PAM: variants seen among roughly 807,000 people sequenced by gnomAD.
The protein encoded by PAM is peptidyl-glycine alpha-amidating monooxygenase.
PAM carries 72 observed loss-of-function variants against 122.1 expected under a neutral mutation model. That is an observed-to-expected ratio of 0.59 (90% CI 0.49 to 0.72). The LOEUF (loss-of-function observed/expected upper bound fraction) is 0.72, where lower values mean the gene tolerates loss of function less well. Ranked by LOEUF, PAM falls within the 30% of genes least tolerant of loss-of-function variation. PAM has a pLI of 0.00. For missense variants in PAM, 1,106 were observed against 1,183.7 expected (o/e 0.93, Z 0.96); for synonymous variants, 389 against 404.4 (o/e 0.96, Z 0.46).
chr5:102,825,670 G>A (rs1773385213), intron 1 of PAM, among the ~76,000 whole-genome samples: 1 of 152,060 alleles, frequency 6.6e-6, no homozygotes, highest in Non-Finnish European at 1.5e-5. Flanking sequence ...GTACAACATA[G>A]TGAGATTCTA....
rs759117198 is a variant in PAM at position 102,926,656 on chromosome 5, A to G, written c.514A>G (p.Ser172Gly). 5.7e-6 allele frequency: 9 copies of G among 1,573,330 alleles called. No individual in the cohort carries two copies. The Admixed American group carries it at 6.7e-5, about 12-fold the overall frequency. Reference sequence around the variant, plus strand: ...ACTACAGGTACACTATGGGGATATTAGTGCTTTTAGAGGTAAGTTTTGAAG... The same window carrying G: ...ACTACAGGTACACTATGGGGATATTGGTGCTTTTAGAGGTAAGTTTTGAAG... ...FVLQVHYGDI[S>G]AFRDNNKDCS... The change falls in exon 7 of 26, where the codon AGT (serine) becomes GGT (glycine). Residue 172 changes from serine (S) to glycine (G), a missense_variant. Ser to Gly is a moderately conservative substitution (Grantham distance 56). Transcript: ENST00000438793.
At chr5:102,804,035 CA>C (rs756956169) in intron 1 of PAM, among the ~76,000 whole-genome samples, 2 of 151,658 alleles carry the variant, frequency 1.3e-5, no homozygotes, top group Admixed American at 1.3e-4. Flanking sequence ...GTGAGGGTTG[CA>C]GGGGGGGATG....
chr5:102,877,292 A>G (rs1165904661), intron 3 of PAM, among the ~76,000 whole-genome samples: 1 of 152,238 alleles, frequency 6.6e-6, no homozygotes, highest in Admixed American at 6.5e-5. Context: ...AATGTTAGCA[A>G]GTAGCTAATG....
chr5:102,887,768 A>G (rs143253407), intron 3 of PAM, among the ~76,000 whole-genome samples: 1 of 151,734 alleles, frequency 6.6e-6, no homozygotes, highest in African/African-American at 2.4e-5. Flanking sequence ...ATTTCCTTGC[A>G]CTTACTACAT....
At chr5:102,939,897 TA>T (rs958888649) in intron 7 of PAM, among the ~76,000 whole-genome samples, 2 of 151,966 alleles carry the variant, frequency 1.3e-5, no homozygotes, top group African/African-American at 2.4e-5. Context: ...AGGTTGACCT[TA>T]AAAAATATAT....
intron 1 of PAM, among the ~76,000 whole-genome samples, chr5:102,860,152 G>T (rs1403703796): frequency 6.6e-6 from 1 of 152,142 alleles, no homozygotes. Context: ...GGCAAAGCAG[G>T]GTAGAAATTG....
rs115672826 is a variant in PAM, at chr5:102,909,867, A to G, written c.269-4067A>G. Among the ~76,000 whole-genome samples the G allele has an allele frequency of 8.5e-3, 1,299 of 152,084 alleles. 13 individuals carry two copies. Among genetic ancestry groups the G allele is most frequent in the South Asian group, 0.02 (95 of 4,826 alleles). Reference sequence around the variant, plus strand: ...ATACAAGCAACAATTCTAGAATGCCAAAGTTCTTCAGATCCAAACTTGCAA... The same window carrying G: ...ATACAAGCAACAATTCTAGAATGCCGAAGTTCTTCAGATCCAAACTTGCAA... On this transcript the variant is annotated intron_variant, in intron 4 of 25. Transcript: ENST00000438793.
intron 7 of PAM, among the ~76,000 whole-genome samples, chr5:102,934,157 G>T (rs1355931818): frequency 6.6e-6 from 1 of 152,168 alleles, no homozygotes; most frequent in Non-Finnish European, 1.5e-5. Context: ...AAACATGGGA[G>T]GGAGGTTATT....
chr5:103,019,720 T>C, intron 22 of PAM, 70 bp from the exon 23 acceptor site: 1 of 1,007,602 alleles, frequency 9.9e-7, no homozygotes, highest in Non-Finnish European at 1.6e-6. Flanking sequence ...AAAATTAATA[T>C]CAAAGTTAAA....
At chr5:102,871,788 A>G (rs1057115387) in intron 3 of PAM, among the ~76,000 whole-genome samples, 4 of 148,540 alleles carry the variant, frequency 2.7e-5, no homozygotes, top group East Asian at 1.9e-4. Flanking sequence ...TTCAGTGTCT[A>G]CTTTCCTAAG....
chr5:102,990,427 G>T, intron 16 of PAM, 26 bp downstream of exon 16: 1 of 1,539,270 alleles, frequency 6.5e-7, no homozygotes. Context: ...TCTTCAATAA[G>T]CAAATGAAAA....
intron 14 of PAM, among the ~76,000 whole-genome samples, chr5:102,970,194 A>C (rs73177621): frequency 0.021 from 3,130 of 152,338 alleles, 93 homozygotes; most frequent in African/African-American, 0.071. Flanking sequence ...GGAAGAATGA[A>C]TCAGCAAGTA....
intron 1 of PAM, among the ~76,000 whole-genome samples, chr5:102,835,359 A>C (rs1776721188): frequency 6.6e-6 from 1 of 152,160 alleles, no homozygotes; most frequent in South Asian, 2.1e-4. Context: ...CACTTAAAGA[A>C]TACTTAGCCA....
At chr5:103,015,536 T>C (rs1781725508) in intron 21 of PAM, among the ~76,000 whole-genome samples, 1 of 152,154 alleles carries the variant, frequency 6.6e-6, no homozygotes, top group South Asian at 2.1e-4. Context: ...GGTCCTAAAA[T>C]TTAACCACAT....
intron 1 of PAM, among the ~76,000 whole-genome samples, chr5:102,803,965 A>C (rs1388714883): frequency 2.0e-5 from 3 of 152,094 alleles, no homozygotes; most frequent in Non-Finnish European, 4.4e-5. Context: ...CTGACTTCTG[A>C]TGATGGGTCT....
chr5:103,000,512 T>A (rs1378618882), intron 16 of PAM, among the ~76,000 whole-genome samples: 2 of 152,204 alleles, frequency 1.3e-5, no homozygotes, highest in Non-Finnish European at 2.9e-5. Context: ...TTTTTGTGTA[T>A]CTTTATGGCA....
In PAM at chr5:102,994,977, C is replaced by A. The variant is rs556309124; in HGVS notation, c.1613+4576C>A. Reference sequence around the variant, plus strand: ...CTAGGAATCTTCTTCCCTCCTCCCCCCAGATAGCTCACAAACCATCTCTTT... The same window carrying A: ...CTAGGAATCTTCTTCCCTCCTCCCCACAGATAGCTCACAAACCATCTCTTT... On this transcript the variant is annotated intron_variant, in intron 16 of 25. Transcript: ENST00000438793. Among the ~76,000 whole-genome samples the A allele has an allele frequency of 3.3e-5, 5 of 152,250 alleles. No homozygotes were observed. The East Asian group carries it at 7.7e-4, about 24-fold the overall frequency.
At chr5:102,774,719 C>A (rs1002627209) in intron 1 of PAM, among the ~76,000 whole-genome samples, 1 of 151,962 alleles carries the variant, frequency 6.6e-6, no homozygotes, top group Non-Finnish European at 1.5e-5. Flanking sequence ...TTGATACATG[C>A]GAACTATTTA....
intron 3 of PAM, among the ~76,000 whole-genome samples, chr5:102,896,601 T>C (rs930917130): frequency 4.6e-5 from 7 of 151,658 alleles, no homozygotes; most frequent in African/African-American, 1.7e-4. Context: ...GGAACTAGTA[T>C]AGTGGTAAGG....
Sources: allele counts gnomAD v4.1 joint callset (sites outside exome capture counted in the v4.1 genomes callset), GRCh38; gene constraint gnomAD v4.1.1; transcripts MANE v1.5; gene names NCBI Gene and HGNC (gene_info 2026-07-23, HGNC 2026-07-21).